The following GEMIN7 variants were observed in gnomAD, a reference collection of about 807,000 sequenced individuals.
GEMIN7 encodes the protein gem nuclear organelle associated protein 7, also known as gem-associated protein 7.
GEMIN7 carries 7 observed loss-of-function variants against 7.8 expected under a neutral mutation model. The observed-to-expected ratio is 0.90, with a 90% CI of 0.51 to 1.69. The LOEUF (loss-of-function observed/expected upper bound fraction) is 1.69, where lower values mean the gene tolerates loss of function less well. Ranked by LOEUF, GEMIN7 falls within the 40% of genes most tolerant of loss-of-function variation. The probability of loss-of-function intolerance (pLI) is 0.00; values close to 1 mark genes in which losing one functional copy is unlikely to be tolerated. For synonymous variants in GEMIN7, 68 were observed against 72.4 expected (o/e 0.94, Z 0.31); for missense variants, 159 against 176.2 (o/e 0.90, Z 0.55).
At chr19:45,076,470 T>G, upstream of GEMIN7, 2 of 948,720 alleles carry the variant, frequency 2.1e-6, no homozygotes, top group Non-Finnish European at 1.4e-6. This position sits in a 1 kb window ranked among gnomAD's most constrained non-coding sequence, Gnocchi z 4.9. Context: ...CGCGCTCAGG[T>G]GAGTGACTGC....
At chr19:45,082,621 AT>A (rs1252852177) in intron 2 of GEMIN7, among the ~76,000 whole-genome samples, 113 of 146,858 alleles carry the variant, frequency 7.7e-4, no homozygotes, top group East Asian at 7.9e-4. Flanking sequence ...GGATGAGTGA[AT>A]TTTTTTTTTT....
chr19:45,089,179 T>G (rs1967808192), intron 2 of GEMIN7, among the ~76,000 whole-genome samples: 1 of 152,050 alleles, frequency 6.6e-6, no homozygotes, highest in Admixed American at 6.6e-5. Context: ...TGACCTCAAG[T>G]GATTCGCCCA....
Position 45,087,638 on chromosome 19 carries a change from T to G in GEMIN7, c.-8-2469T>G, listed in dbSNP as rs1046762239. Among the ~76,000 whole-genome samples, 10 of 152,098 alleles carry G rather than the reference T, an allele frequency of 6.6e-5. 1 individual carries two copies. The highest frequency in any genetic ancestry group is 2.2e-4 in the African/African-American group (9 of 41,402). The stretch of plus-strand genomic sequence containing the variant: ...CTGAGGATCAGCGAGGAGGCCTGTG[T>G]GGCTGGGGTGGGGAGAGCAAGCGTG... On this transcript the variant is annotated intron_variant, in intron 2 of 2. Coordinates refer to ENST00000270257, the MANE Select transcript of GEMIN7 (RefSeq NM_024707.3).
intron 2 of GEMIN7, among the ~76,000 whole-genome samples, chr19:45,080,598 T>C (rs893063160): frequency 2.0e-5 from 3 of 151,872 alleles, no homozygotes; most frequent in Non-Finnish European, 4.4e-5. Context: ...AGGCTGGTCT[T>C]AAACTCCTGA....
rs987255352 is a variant in GEMIN7 at position 45,090,820 on chromosome 19, G to C, written c.*310G>C. 1 of 298,574 alleles carries C rather than the reference G, an allele frequency of 3.3e-6. No individual in the cohort carries two copies. The highest frequency in any genetic ancestry group is 6.2e-5 in the South Asian group (1 of 16,076). 18.5% of individuals were successfully genotyped at this position (298,574 alleles called of 1,614,324 possible). A position where few individuals can be genotyped will look rare whatever the true frequency, so the allele number is the denominator to read the frequency against. The stretch of plus-strand genomic sequence containing the variant: ...GGTGGGGTGATAAAGGATACAACCT[G>C]CACAGGGGGAAGTTATTAAAGAGGC... On this transcript the variant is annotated 3_prime_UTR_variant, in exon 3 of 3. Coordinates refer to ENST00000270257, the MANE Select transcript of GEMIN7 (RefSeq NM_024707.3).
At chr19:45,087,942 ATT>A (rs535770065) in intron 2 of GEMIN7, among the ~76,000 whole-genome samples, 4,043 of 116,274 alleles carry the variant, frequency 0.035, 116 homozygotes, top group African/African-American at 0.097. Context: ...TAGATATATA[ATT>A]TTTTTTTTTT....
upstream of GEMIN7, among the ~76,000 whole-genome samples, chr19:45,077,502 C>A (rs948917172): frequency 1.3e-5 from 2 of 152,158 alleles, no homozygotes; most frequent in Non-Finnish European, 2.9e-5. Flanking sequence ...CAGTATAGAA[C>A]GGCTTGTGGA....
chr19:45,076,177 G>A, upstream of GEMIN7: 1 of 1,511,632 alleles, frequency 6.6e-7, no homozygotes, highest in South Asian at 1.3e-5. The surrounding 1 kb of genome is among the most constrained non-coding windows in gnomAD (Gnocchi z 4.9). Flanking sequence ...GGAGTGGTGG[G>A]GTTCGCCGCC....
At chr19:45,080,231 G>C (rs1703177100) in intron 2 of GEMIN7, among the ~76,000 whole-genome samples, 1 of 152,092 alleles carries the variant, frequency 6.6e-6, no homozygotes, top group African/African-American at 2.4e-5. Context: ...TACCCTCCTG[G>C]GCACACCCTG....
intron 2 of GEMIN7, among the ~76,000 whole-genome samples, chr19:45,089,161 C>T (rs942014034): frequency 6.6e-6 from 1 of 151,964 alleles, no homozygotes; most frequent in African/African-American, 2.4e-5. Context: ...AGGCTGGTCT[C>T]GAATTCCTGA....
intron 2 of GEMIN7, among the ~76,000 whole-genome samples, chr19:45,082,843 ACTC>A (rs1286527127): frequency 2.1e-5 from 3 of 144,904 alleles, no homozygotes; most frequent in Non-Finnish European, 4.5e-5. Context: ...CTGGTCTTGA[ACTC>A]CTACGCTAAA....
At chr19:45,082,357 G>T (rs1034925231) in intron 2 of GEMIN7, among the ~76,000 whole-genome samples, 1 of 152,188 alleles carries the variant, frequency 6.6e-6, no homozygotes, top group South Asian at 2.1e-4. Context: ...TTATCATAGG[G>T]ATCTTTCCTG....
upstream of GEMIN7, among the ~76,000 whole-genome samples, chr19:45,077,709 G>A (rs1967383137): frequency 6.6e-6 from 1 of 152,060 alleles, no homozygotes; most frequent in Admixed American, 6.6e-5. Context: ...GCCCCACCCT[G>A]CTGAAGGCCT....
intron 2 of GEMIN7, among the ~76,000 whole-genome samples, chr19:45,081,086 G>C (rs1225543708): frequency 6.6e-6 from 1 of 152,216 alleles, no homozygotes; most frequent in African/African-American, 2.4e-5. Flanking sequence ...AGGATATCTT[G>C]AGTCCAGGAG....
chr19:45,081,339 C>A (rs1967497167), intron 2 of GEMIN7, among the ~76,000 whole-genome samples: 1 of 151,826 alleles, frequency 6.6e-6, no homozygotes, highest in South Asian at 2.1e-4. Flanking sequence ...GCCTGTAGTC[C>A]TAGTTACTTG....
chr19:45,080,532 C>T (rs556056213), intron 2 of GEMIN7, among the ~76,000 whole-genome samples: 2 of 152,226 alleles, frequency 1.3e-5, no homozygotes, highest in African/African-American at 4.8e-5. Context: ...CGTGCCACCA[C>T]ATCCAGCTAA....
At chr19:45,085,749 C>T (rs1048485987) in intron 2 of GEMIN7, 6 of 151,946 alleles carry the variant, frequency 3.9e-5, no homozygotes, top group African/African-American at 1.5e-4. Context: ...GAGTTCGAGA[C>T]CAGCCTGACC....
intron 2 of GEMIN7, among the ~76,000 whole-genome samples, chr19:45,083,011 A>G (rs2122658308): frequency 1.3e-5 from 2 of 152,258 alleles, no homozygotes; most frequent in Middle Eastern, 3.4e-3. Flanking sequence ...AGCCATGTTC[A>G]TTTGTTTCCA....
chr19:45,090,575 G>T lies in GEMIN7; in HGVS notation c.*65G>T, dbSNP rs1014371733. On this transcript the variant is annotated 3_prime_UTR_variant, in exon 3 of 3. Coordinates refer to ENST00000270257, the MANE Select transcript of GEMIN7 (RefSeq NM_024707.3). ...GTATCCCAGGCCTCCCAATGTTCCC[G>T]AGCCAGGAACTCTGGGCCCCATGGA... The T allele has an allele frequency of 2.0e-6, 3 of 1,499,832 alleles. No homozygotes were observed. The African/African-American group carries it at 4.2e-5, about 21-fold the overall frequency. The allele number at this position is 1,499,832 out of a possible 1,614,324, so 92.9% of individuals were successfully genotyped here.
Sources: allele counts gnomAD v4.1 joint callset (sites outside exome capture counted in the v4.1 genomes callset), GRCh38; gene constraint gnomAD v4.1.1; non-coding constraint Gnocchi (gnomAD v3.1); transcripts MANE v1.5; gene names NCBI Gene and HGNC (gene_info 2026-07-23, HGNC 2026-07-21).